The following EEFSEC variants were observed in gnomAD, a reference collection of about 807,000 sequenced individuals.
EEFSEC encodes the protein eukaryotic elongation factor, selenocysteine-tRNA specific, also known as selenocysteine-specific elongation factor.
Under a neutral mutation model 42.1 loss-of-function variants are expected in EEFSEC, and 43 were observed. The observed-to-expected ratio is 1.02, with a 90% CI of 0.80 to 1.32. The LOEUF (loss-of-function observed/expected upper bound fraction) is 1.32. Among genes scored for constraint, EEFSEC ranks in the 40% most tolerant of loss-of-function variants. EEFSEC has a pLI of 0.00. For missense variants in EEFSEC, 745 were observed against 803.6 expected, an observed-to-expected ratio of 0.93 and a Z score of 0.88; for synonymous variants, 354 against 339.1, an observed-to-expected ratio of 1.04 and a Z score of -0.48.
chr3:128,217,769 G>T (rs1413747779), intron 1 of EEFSEC, among the ~76,000 whole-genome samples: 1 of 152,208 alleles, frequency 6.6e-6, no homozygotes, highest in Non-Finnish European at 1.5e-5. Flanking sequence ...TTGTCCTGGG[G>T]ACAGTCCTCA....
At chr3:128,161,794 C>T (rs1331483896) in intron 1 of EEFSEC, among the ~76,000 whole-genome samples, 1 of 152,154 alleles carries the variant, frequency 6.6e-6, no homozygotes, top group East Asian at 1.9e-4. Context: ...CCTCTCTTGA[C>T]TCGTAAATGA....
chr3:128,295,175 A>G (rs560180348), intron 4 of EEFSEC, among the ~76,000 whole-genome samples: 1 of 152,236 alleles, frequency 6.6e-6, no homozygotes, highest in Admixed American at 6.5e-5. Context: ...GCACCCCCAA[A>G]ATGTTTTCTA....
At chr3:128,279,470 A>G (rs1419530786) in intron 4 of EEFSEC, among the ~76,000 whole-genome samples, 1 of 152,066 alleles carries the variant, frequency 6.6e-6, no homozygotes, top group African/African-American at 2.4e-5. Flanking sequence ...GCGGAGAACC[A>G]GTGGCCTAGA....
chr3:128,190,721 G>A (rs2811513), intron 1 of EEFSEC, among the ~76,000 whole-genome samples: 43,688 of 151,986 alleles, frequency 0.29, 6,467 homozygotes, highest in South Asian at 0.37. Flanking sequence ...TCACTGACTC[G>A]CCCAGAACAC....
chr3:128,278,471 T>C (rs2107961000), intron 4 of EEFSEC, among the ~76,000 whole-genome samples: 1 of 152,240 alleles, frequency 6.6e-6, no homozygotes, highest in East Asian at 1.9e-4. Context: ...GAGTATGGCT[T>C]GGGCTTCACT....
At chr3:128,406,086 T>A (rs1321380711) in intron 6 of EEFSEC, among the ~76,000 whole-genome samples, 1 of 151,758 alleles carries the variant, frequency 6.6e-6, no homozygotes, top group African/African-American at 2.4e-5. Context: ...GCTCACAGAG[T>A]GAGTGCTTAC....
downstream of EEFSEC, among the ~76,000 whole-genome samples, chr3:128,412,531 A>G (rs961105766): frequency 1.3e-5 from 2 of 152,204 alleles, no homozygotes; most frequent in African/African-American, 4.8e-5. Context: ...TTGCCAGGGC[A>G]AGGAAGGGTG....
intron 4 of EEFSEC, among the ~76,000 whole-genome samples, chr3:128,288,308 G>A (rs1231879120): frequency 6.6e-6 from 1 of 152,156 alleles, no homozygotes; most frequent in Non-Finnish European, 1.5e-5. Flanking sequence ...GGGAACTTGA[G>A]TTTAGGTCTC....
At chr3:128,284,190 T>C (rs1359410146) in intron 4 of EEFSEC, among the ~76,000 whole-genome samples, 1 of 152,240 alleles carries the variant, frequency 6.6e-6, no homozygotes, top group Non-Finnish European at 1.5e-5. Flanking sequence ...TGAAGCTGAC[T>C]GTAAAGCCCA....
Position 128,160,862 on chromosome 3 carries a change from C to A in EEFSEC, c.316+7039C>A, listed in dbSNP as rs148059514. ...TAACTTAGAGAAAATTGGGTTTTATCTCCCTTGATGCATGTGGCCACAGAT... is the reference window on the plus strand; with the variant it reads ...TAACTTAGAGAAAATTGGGTTTTATATCCCTTGATGCATGTGGCCACAGAT... On this transcript the variant is annotated intron_variant, in intron 1 of 6. Coordinates refer to ENST00000254730, the MANE Select transcript of EEFSEC (RefSeq NM_021937.5). Among the ~76,000 whole-genome samples the A allele has an allele frequency of 2.2e-3, 338 of 152,304 alleles. 1 individual carries two copies. Among genetic ancestry groups the A allele is most frequent in the African/African-American group, 7.4e-3 (308 of 41,566 alleles).
chr3:128,301,566 G>A (rs1224900385), intron 4 of EEFSEC, among the ~76,000 whole-genome samples: 1 of 152,162 alleles, frequency 6.6e-6, no homozygotes, highest in Non-Finnish European at 1.5e-5. Context: ...GGCAGGTGTT[G>A]GACTCCAGGC....
chr3:128,327,384 C>A (rs28441406), intron 4 of EEFSEC, among the ~76,000 whole-genome samples: 6,795 of 150,562 alleles, frequency 0.045, 512 homozygotes, highest in African/African-American at 0.16. Context: ...CTCTCTGCTG[C>A]CTCCCTCATA....
intron 1 of EEFSEC, among the ~76,000 whole-genome samples, chr3:128,190,437 A>G (rs1223081775): frequency 1.3e-5 from 2 of 152,254 alleles, no homozygotes; most frequent in Non-Finnish European, 2.9e-5. Flanking sequence ...TTTAATGGAA[A>G]AAGGCTTATA....
intron 4 of EEFSEC, among the ~76,000 whole-genome samples, chr3:128,284,497 G>C (rs768013423): frequency 1.4e-4 from 21 of 152,212 alleles, no homozygotes; most frequent in Admixed American, 5.9e-4. Context: ...GGCCACCAAG[G>C]CTCCTTCCTC....
intron 1 of EEFSEC, among the ~76,000 whole-genome samples, chr3:128,210,194 G>C (rs2065741886): frequency 6.6e-6 from 1 of 152,234 alleles, no homozygotes; most frequent in African/African-American, 2.4e-5. Flanking sequence ...TTAGTAGAGA[G>C]AATGGCAGGA....
intron 5 of EEFSEC, among the ~76,000 whole-genome samples, chr3:128,348,277 C>CGTGTGT (rs772977211): frequency 2.6e-5 from 2 of 78,032 alleles, no homozygotes; most frequent in South Asian, 9.1e-4. Context: ...TGTGCGTGTG[C>CGTGTGT]GTGTGTGTGT....
intron 4 of EEFSEC, among the ~76,000 whole-genome samples, chr3:128,329,419 C>A (rs2067101571): frequency 6.6e-6 from 1 of 152,176 alleles, no homozygotes; most frequent in Non-Finnish European, 1.5e-5. Context: ...CCCACCCCCC[C>A]CCACCCCCGC....
At chr3:128,405,033 T>G (rs1484149856) in intron 6 of EEFSEC, among the ~76,000 whole-genome samples, 1 of 151,772 alleles carries the variant, frequency 6.6e-6, no homozygotes. Context: ...TTTTTTTTTT[T>G]TAAGACTGAG....
intron 6 of EEFSEC, among the ~76,000 whole-genome samples, chr3:128,375,381 C>T (rs1165997534): frequency 6.6e-6 from 1 of 152,222 alleles, no homozygotes; most frequent in Non-Finnish European, 1.5e-5. Context: ...AGCCCCTTAC[C>T]TCCTGCCCAC....
Sources: gnomAD v4.1 joint callset for allele counts (sites outside exome capture counted in the v4.1 genomes callset) on GRCh38, gnomAD v4.1.1 for gene constraint, MANE v1.5 for transcripts, NCBI Gene and HGNC (gene_info 2026-07-23, HGNC 2026-07-21) for gene names.